The following PDE4D variants were observed in gnomAD, a reference collection of about 807,000 sequenced individuals.
PDE4D encodes 3',5'-cyclic-AMP phosphodiesterase 4D.
PDE4D carries 24 observed loss-of-function variants against 87.4 expected under a neutral mutation model. The observed-to-expected ratio is 0.27, with a 90% CI of 0.20 to 0.39. PDE4D has a LOEUF of 0.39. Among genes scored for constraint, PDE4D ranks in the 10% least tolerant of loss-of-function variants. The pLI, the probability that PDE4D is intolerant of heterozygous loss-of-function variation, is 1.00. For synonymous variants in PDE4D, 384 were observed against 383.2 expected, an observed-to-expected ratio of 1.00 and a Z score of -0.02; for missense variants, 714 against 1,041.0, an observed-to-expected ratio of 0.69 and a Z score of 4.32.
rs112300730 is a variant in PDE4D at position 59,518,309 on chromosome 5, TA to T, written c.456-302342del. On this transcript the variant is annotated intron_variant, in intron 1 of 14. Coordinates refer to ENST00000340635, the MANE Select transcript of PDE4D (RefSeq NM_001104631.2). ...ATGTTTGCTATTGTATTTCTTTTGCTAAAAAAAAAAATAAAGCACGCTCGAG... is the reference window on the plus strand; with the variant it reads ...ATGTTTGCTATTGTATTTCTTTTGCTAAAAAAAAAATAAAGCACGCTCGAG... Among the ~76,000 whole-genome samples the T allele has an allele frequency of 6.2e-3, 898 of 145,266 alleles. 12 individuals are homozygous for T. The highest frequency in any genetic ancestry group is 0.02 in the African/African-American group (812 of 39,882).
intron 1 of PDE4D, among the ~76,000 whole-genome samples, chr5:59,629,565 C>A (rs1471897297): frequency 6.6e-6 from 1 of 152,132 alleles, no homozygotes; most frequent in Admixed American, 6.5e-5. Context: ...TTCCTCACAG[C>A]CCTCGGAAAG....
In PDE4D at chr5:59,788,850, T is replaced by C. The variant is rs566444881; in HGVS notation, c.455+104318A>G. On this transcript the variant is annotated intron_variant, in intron 1 of 14. Coordinates refer to ENST00000340635, the MANE Select transcript of PDE4D (RefSeq NM_001104631.2). Reference sequence around the variant, plus strand: ...ATTTAAAGATTCCCTTACATAGCTATAGAATAGGAAAAATTAGAAAGTTCA... The same window carrying C: ...ATTTAAAGATTCCCTTACATAGCTACAGAATAGGAAAAATTAGAAAGTTCA... Among the ~76,000 whole-genome samples, 9 of 152,322 alleles carry C rather than the reference T, an allele frequency of 5.9e-5. No individual in the cohort carries two copies. In the East Asian group the frequency reaches 1.7e-3, roughly 29 times the overall value.
intron 1 of PDE4D, among the ~76,000 whole-genome samples, chr5:59,395,651 T>C (rs1789254031): frequency 7.0e-6 from 1 of 142,936 alleles, no homozygotes; most frequent in Non-Finnish European, 1.5e-5. Context: ...ACAGAAAAAC[T>C]GGAAACTCTA....
chr5:60,181,134 T>C (rs1446491632), intron 2 of PDE4D, among the ~76,000 whole-genome samples: 2 of 152,168 alleles, frequency 1.3e-5, no homozygotes, highest in Non-Finnish European at 2.9e-5. Flanking sequence ...ATTTTTTGGC[T>C]GCCCACTCCA....
At chr5:59,322,242 A>G (rs1774851257) in intron 1 of PDE4D, among the ~76,000 whole-genome samples, 1 of 152,080 alleles carries the variant, frequency 6.6e-6, no homozygotes, top group South Asian at 2.1e-4. Flanking sequence ...TAGTTCAATC[A>G]TTTTTTATTG....
At chr5:59,907,960 C>T (rs1181330399) in intron 3 of PDE4D, among the ~76,000 whole-genome samples, 1 of 152,034 alleles carries the variant, frequency 6.6e-6, no homozygotes, top group African/African-American at 2.4e-5. Context: ...TGACCTCCCT[C>T]TTCCCTTTCA....
chr5:59,556,966 A>C (rs77219295), intron 1 of PDE4D, among the ~76,000 whole-genome samples: 3,542 of 152,354 alleles, frequency 0.023, 140 homozygotes, highest in African/African-American at 0.08. Context: ...TTGTAATTTT[A>C]AATTATTCAA....
At chr5:59,555,888 G>A (rs1818819207) in intron 1 of PDE4D, among the ~76,000 whole-genome samples, 1 of 152,088 alleles carries the variant, frequency 6.6e-6, no homozygotes, top group Admixed American at 6.6e-5. Flanking sequence ...CAGCTTGTGT[G>A]TTTTTGAGCC....
At chr5:59,561,560 A>C (rs1011561629) in intron 1 of PDE4D, among the ~76,000 whole-genome samples, 2 of 152,248 alleles carry the variant, frequency 1.3e-5, no homozygotes, top group Non-Finnish European at 2.9e-5. Flanking sequence ...GCAAAGTTTA[A>C]AGAAGAGGGT....
chr5:60,510,861 C>T (rs1750539114), intron 1 of PDE4D, among the ~76,000 whole-genome samples: 1 of 152,188 alleles, frequency 6.6e-6, no homozygotes, highest in Non-Finnish European at 1.5e-5. Context: ...CCAGCACTGA[C>T]AGCAGAGATG....
intron 12 of PDE4D, 92 bp from the exon 13 acceptor site, chr5:58,976,564 A>AC: frequency 1.0e-6 from 1 of 987,906 alleles, no homozygotes; most frequent in Non-Finnish European, 1.5e-6. Context: ...AAGGAATAAA[A>AC]CAACACTATG....
chr5:59,209,998 A>G (rs544955549), intron 2 of PDE4D, among the ~76,000 whole-genome samples: 1 of 152,282 alleles, frequency 6.6e-6, no homozygotes, highest in East Asian at 1.9e-4. Context: ...CCCTAGTCCC[A>G]TCACTCCTAC....
intron 5 of PDE4D, among the ~76,000 whole-genome samples, chr5:59,178,605 T>C (rs7700594): frequency 0.24 from 36,592 of 152,032 alleles, 4,710 homozygotes; most frequent in African/African-American, 0.3. Flanking sequence ...GCCTGGCATC[T>C]GCTGGGATGG....
intron 1 of PDE4D, among the ~76,000 whole-genome samples, chr5:60,311,923 G>C (rs1755073674): frequency 1.3e-5 from 2 of 152,172 alleles, no homozygotes; most frequent in Admixed American, 6.5e-5. Flanking sequence ...AAAATTGACT[G>C]TAAACTGACA....
At chr5:59,040,292 G>T (rs184859630) in intron 5 of PDE4D, among the ~76,000 whole-genome samples, 3 of 152,130 alleles carry the variant, frequency 2.0e-5, no homozygotes, top group Admixed American at 2.0e-4. Context: ...GGGTCGGAAC[G>T]CTTTATAATT....
At chr5:59,802,053 A>C (rs971053025) in intron 1 of PDE4D, among the ~76,000 whole-genome samples, 3 of 152,216 alleles carry the variant, frequency 2.0e-5, no homozygotes, top group African/African-American at 7.2e-5. Context: ...TCTTCCAGAA[A>C]AAAAAAGTGG....
At chr5:60,091,559 T>C (rs1367465447) in intron 2 of PDE4D, among the ~76,000 whole-genome samples, 1 of 152,188 alleles carries the variant, frequency 6.6e-6, no homozygotes, top group African/African-American at 2.4e-5. Context: ...GTACAGCTCC[T>C]GTGAAAAACA....
chr5:60,315,965 T>C (rs1755540843), intron 1 of PDE4D, among the ~76,000 whole-genome samples: 1 of 152,202 alleles, frequency 6.6e-6, no homozygotes, highest in South Asian at 2.1e-4. Context: ...GACTTGGCAA[T>C]GTGGGCTCTT....
intron 2 of PDE4D, among the ~76,000 whole-genome samples, chr5:60,076,438 G>A (rs946925900): frequency 6.6e-6 from 1 of 152,174 alleles, no homozygotes; most frequent in African/African-American, 2.4e-5. Context: ...GATTACAGGT[G>A]TGAGCCACCA....
Sources: allele counts gnomAD v4.1 joint callset (sites outside exome capture counted in the v4.1 genomes callset), GRCh38; gene constraint gnomAD v4.1.1; transcripts MANE v1.5; gene names NCBI Gene and HGNC (gene_info 2026-07-23, HGNC 2026-07-21).